The following SLC25A21 variants were observed in gnomAD, a reference collection of about 807,000 sequenced individuals.
SLC25A21 encodes solute carrier family 25 member 21, also known as mitochondrial 2-oxodicarboxylate carrier.
A neutral mutation model predicts 43.8 loss-of-function variants in SLC25A21; 47 were observed. That is an observed-to-expected ratio of 1.07 (90% CI 0.85 to 1.37). SLC25A21 has a LOEUF of 1.37. SLC25A21 is among the 40% of genes most tolerant of loss of function. SLC25A21 has a pLI of 0.00. For synonymous variants in SLC25A21, 131 were observed against 121.3 expected (o/e 1.08, Z -0.52); for missense variants, 352 against 350.2 (o/e 1.00, Z -0.04).
intron 1 of SLC25A21, among the ~76,000 whole-genome samples, chr14:36,885,948 C>T (rs539506335): frequency 6.1e-4 from 93 of 152,304 alleles, no homozygotes; most frequent in African/African-American, 2.1e-3. Context: ...GAAGTTCACA[C>T]TGTTTTAACC....
intron 1 of SLC25A21, among the ~76,000 whole-genome samples, chr14:37,049,188 A>C (rs1157783706): frequency 2.0e-5 from 3 of 152,236 alleles, no homozygotes; most frequent in African/African-American, 7.2e-5. Context: ...TTGAAATTCC[A>C]ATATTTCAAT....
chr14:36,993,797 A>G (rs928728767), intron 1 of SLC25A21, among the ~76,000 whole-genome samples: 3 of 152,182 alleles, frequency 2.0e-5, no homozygotes, highest in African/African-American at 7.2e-5. Context: ...TAAGGAGGGA[A>G]AGGAACACCT....
chr14:36,744,775 A>G (rs539182212), intron 3 of SLC25A21, among the ~76,000 whole-genome samples: 1 of 152,328 alleles, frequency 6.6e-6, no homozygotes, highest in African/African-American at 2.4e-5. Flanking sequence ...GCTAATATCC[A>G]GAATCTACGA....
At chr14:36,941,686 C>T (rs1892561823) in intron 1 of SLC25A21, among the ~76,000 whole-genome samples, 1 of 151,550 alleles carries the variant, frequency 6.6e-6, no homozygotes, top group Non-Finnish European at 1.5e-5. Context: ...ATTTTAAATG[C>T]TATTCTTCAT....
At chr14:37,032,352 G>A (rs1050712097) in intron 1 of SLC25A21, among the ~76,000 whole-genome samples, 10 of 151,946 alleles carry the variant, frequency 6.6e-5, no homozygotes, top group African/African-American at 1.5e-4. Flanking sequence ...TGGCTAACAC[G>A]GTGAAACCCT....
At chr14:36,720,429 A>C (rs910646715) in intron 6 of SLC25A21, among the ~76,000 whole-genome samples, 2 of 152,246 alleles carry the variant, frequency 1.3e-5, no homozygotes, top group Admixed American at 6.5e-5. Flanking sequence ...GACAGGTTGA[A>C]CAGCAGACAT....
intron 1 of SLC25A21, among the ~76,000 whole-genome samples, chr14:36,901,057 GA>G (rs796591713): frequency 2.6e-5 from 4 of 151,004 alleles, no homozygotes; most frequent in Admixed American, 6.6e-5. Context: ...TTGCCTCATG[GA>G]AAAAAAAATC....
intron 1 of SLC25A21, among the ~76,000 whole-genome samples, chr14:37,125,987 T>C (rs1444825914): frequency 6.6e-6 from 1 of 152,336 alleles, no homozygotes; most frequent in East Asian, 1.9e-4. Flanking sequence ...TTTTCAAAGA[T>C]ATGGGTAATA....
intron 1 of SLC25A21, among the ~76,000 whole-genome samples, chr14:36,898,107 G>A (rs1175917757): frequency 6.6e-6 from 1 of 152,174 alleles, no homozygotes; most frequent in Non-Finnish European, 1.5e-5. Flanking sequence ...GCTGCATTTT[G>A]TTTCACTATG....
chr14:37,085,263 C>T (rs1235626081), intron 1 of SLC25A21, among the ~76,000 whole-genome samples: 4 of 152,084 alleles, frequency 2.6e-5, no homozygotes, highest in Non-Finnish European at 4.4e-5. Flanking sequence ...TCAGTTTTTG[C>T]CCCATTCCCC....
At chr14:36,681,154 G>T (rs1227221321) in intron 9 of SLC25A21, among the ~76,000 whole-genome samples, 1 of 152,192 alleles carries the variant, frequency 6.6e-6, no homozygotes, top group East Asian at 1.9e-4. Context: ...CTCTAAGATG[G>T]TGCTTGATGG....
chr14:36,767,223 G>A (rs1290838344), intron 3 of SLC25A21, among the ~76,000 whole-genome samples: 1 of 152,138 alleles, frequency 6.6e-6, no homozygotes, highest in African/African-American at 2.4e-5. Flanking sequence ...TTAGTAAACT[G>A]GCTTTCATAT....
intron 1 of SLC25A21, among the ~76,000 whole-genome samples, chr14:37,149,437 A>C (rs745839053): frequency 2.0e-5 from 3 of 152,146 alleles, no homozygotes; most frequent in African/African-American, 4.8e-5. Flanking sequence ...GGGCAACTAA[A>C]AACTGCTCCA....
At chr14:36,832,757 C>T (rs780686194) in intron 2 of SLC25A21, among the ~76,000 whole-genome samples, 4 of 152,150 alleles carry the variant, frequency 2.6e-5, no homozygotes, top group Non-Finnish European at 5.9e-5. Context: ...TTTTTAAACA[C>T]TATAAATGAC....
chr14:36,985,768 T>C (rs1331146359), intron 1 of SLC25A21, among the ~76,000 whole-genome samples: 2 of 152,202 alleles, frequency 1.3e-5, no homozygotes, highest in Admixed American at 6.5e-5. Context: ...AGCATTCTTA[T>C]GTAAAAAGAT....
At chr14:36,834,009 C>T (rs712357) in intron 2 of SLC25A21, among the ~76,000 whole-genome samples, 147,862 of 152,334 alleles carry the variant, frequency 0.97, 71,904 homozygotes, top group East Asian at 1. Flanking sequence ...TAAATTCTAG[C>T]GTACACCTAT....
chr14:37,129,819 CT>C (rs1963362333), intron 1 of SLC25A21, among the ~76,000 whole-genome samples: 2 of 151,618 alleles, frequency 1.3e-5, no homozygotes, highest in Non-Finnish European at 2.9e-5. Context: ...TATATGTATT[CT>C]ATTTAACTTA....
At chr14:36,706,357 C>A (rs74044940) in intron 7 of SLC25A21, among the ~76,000 whole-genome samples, 5,651 of 152,196 alleles carry the variant, frequency 0.037, 370 homozygotes, top group African/African-American at 0.13. Flanking sequence ...TTACAGATTC[C>A]AAAAACTGAA....
chr14:37,117,139 T>A (rs1318951891), intron 1 of SLC25A21, among the ~76,000 whole-genome samples: 1 of 152,188 alleles, frequency 6.6e-6, no homozygotes, highest in African/African-American at 2.4e-5. Flanking sequence ...ATTTTATTTT[T>A]CAACATAGAG....
Sources: gnomAD v4.1 joint callset for allele counts (sites outside exome capture counted in the v4.1 genomes callset) on GRCh38, gnomAD v4.1.1 for gene constraint, MANE v1.5 for transcripts, NCBI Gene and HGNC (gene_info 2026-07-23, HGNC 2026-07-21) for gene names.